SIX6: variants seen among roughly 807,000 people sequenced by gnomAD.
SIX6 encodes the protein SIX homeobox 6, also known as homeobox protein SIX6.
SIX6 carries 14 observed loss-of-function variants against 23.6 expected under a neutral mutation model. The ratio of observed to expected loss-of-function variants is 0.59; its 90% CI spans 0.39 to 0.93. SIX6 has a LOEUF of 0.93. Ranked by LOEUF, SIX6 falls within the 40% of genes least tolerant of loss-of-function variation. The pLI is 0.00. For synonymous variants in SIX6, 128 were observed against 144.9 expected (o/e 0.88, Z 0.84); for missense variants, 307 against 325.6 (o/e 0.94, Z 0.44).
chr14:60,509,580 C>T lies in SIX6; in HGVS notation c.182C>T (p.Ala61Val). The T allele has an allele frequency of 6.2e-7, 1 of 1,613,020 alleles. No individual in the cohort carries two copies. The highest frequency in any genetic ancestry group is 1.7e-5 in the Admixed American group (1 of 60,034). Reference sequence around the variant, plus strand: ...GTGCTACGCGCACGAGCCATCGTGGCCTTTCACGGTGGCAACTACCGCGAG... The same window carrying T: ...GTGCTACGCGCACGAGCCATCGTGGTCTTTCACGGTGGCAACTACCGCGAG... ...ESVLRARAIVAFHGGNYRELY... is the reference protein window; with the variant it reads ...ESVLRARAIVVFHGGNYRELY... Residue 61 changes from alanine (A) to valine (V), a missense_variant, in exon 1 of 2, where the codon GCC becomes GTC. Physicochemically the swap from Ala to Val is moderately conservative, Grantham distance 64. Transcript: ENST00000327720.
chr14:60,510,295 G>A (rs1893271107), intron 1 of SIX6, among the ~76,000 whole-genome samples: 1 of 152,226 alleles, frequency 6.6e-6, no homozygotes. Context: ...AAGACCCAAA[G>A]CTAATTCTTG....
Position 60,511,313 on chromosome 14 carries a change from A to C in SIX6, c.*61A>C. ...TGTAAAAACGAGAAAAACAAAATGA[A>C]AGAGGGGAAGAAGATGAGAGACCTG... is the stretch of plus-strand genomic sequence containing the variant. On this transcript the variant is annotated 3_prime_UTR_variant, in exon 2 of 2. Transcript: ENST00000327720. 1.3e-6 allele frequency: 2 copies of C among 1,553,146 alleles called. No homozygotes were observed. The highest frequency in any genetic ancestry group is 1.8e-6 in the Non-Finnish European group (2 of 1,125,528).
rs1893293570 is a variant in SIX6, at chr14:60,511,443, C to G, written c.*191C>G. On this transcript the variant is annotated 3_prime_UTR_variant, in exon 2 of 2. Coordinates refer to ENST00000327720, the MANE Select transcript of SIX6 (RefSeq NM_007374.3). ...CCTGGCTTCACTGGCGCCCTTTGGC[C>G]GCGACCACGGGAACCAGCGGTGAGG... is the stretch of plus-strand genomic sequence containing the variant. 1.9e-5 allele frequency: 13 copies of G among 680,686 alleles called. No individual in the cohort carries two copies. The East Asian group carries it at 3.5e-4, about 18-fold the overall frequency. The allele number at this position is 680,686 out of a possible 1,614,324, so 42.2% of individuals were successfully genotyped here.
Position 60,511,070 on chromosome 14 carries a change from T to C in SIX6, c.573-14T>C. 6.2e-7 allele frequency: 1 copy of C among 1,611,934 alleles called. No homozygotes were observed. Among genetic ancestry groups the C allele is most frequent in the East Asian group, 2.2e-5 (1 of 44,838 alleles). ...GTTACGAGCTGTGACCCGTGTTCCCTTTCTTCCCCGTAGACTCCAGCAGCA... is the reference window on the plus strand; with the variant it reads ...GTTACGAGCTGTGACCCGTGTTCCCCTTCTTCCCCGTAGACTCCAGCAGCA... On this transcript the variant is annotated splice_polypyrimidine_tract_variant and intron_variant, in intron 1 of 1. Coordinates refer to ENST00000327720, the MANE Select transcript of SIX6 (RefSeq NM_007374.3).
chr14:60,509,780 G>A lies in SIX6; in HGVS notation c.382G>A (p.Gly128Ser), dbSNP rs1344962002. 2.5e-6 allele frequency: 4 copies of A among 1,613,062 alleles called. No homozygotes were observed. The highest frequency in any genetic ancestry group is 3.4e-6 in the Non-Finnish European group (4 of 1,179,178). The change falls in exon 1 of 2, where the codon GGC becomes AGC. Residue 128 changes from glycine to serine, a missense_variant. Coordinates refer to ENST00000327720, the MANE Select transcript of SIX6 (RefSeq NM_007374.3). The stretch of plus-strand genomic sequence containing the variant: ...CCCGCTGCCGCGCACCATTTGGGAC[G>A]GCGAACAGAAGACACACTGCTTCAA... ...KFPLPRTIWD[G>S]EQKTHCFKER...
chr14:60,509,983 AG>A lies in SIX6; in HGVS notation c.572+15del. ...CAGCCAAGAACAGGTCGGTACCTAG[AG>A]GCCTCCGCGCTTTGAGCGCACCGGG... On this transcript the variant is annotated intron_variant, in intron 1 of 1. Transcript: ENST00000327720. 6.3e-7 allele frequency: 1 copy of A among 1,587,568 alleles called. No homozygotes were observed. Among genetic ancestry groups the A allele is most frequent in the Non-Finnish European group, 8.6e-7 (1 of 1,165,634 alleles).
In SIX6 at chr14:60,509,894, G is replaced by C. The variant is rs779887646; in HGVS notation, c.496G>C (p.Gly166Arg). Residue 166 changes from glycine (G) to arginine (R), a missense_variant, in exon 1 of 2, where the codon GGA becomes CGA. Coordinates refer to ENST00000327720, the MANE Select transcript of SIX6 (RefSeq NM_007374.3). Reference sequence around the variant, plus strand: ...AAAACGTGAGCTCGCCCAGGCAACCGGACTGACCCCTACGCAGGTGGGCAA... The same window carrying C: ...AAAACGTGAGCTCGCCCAGGCAACCCGACTGACCCCTACGCAGGTGGGCAA... Reference protein sequence around the residue: ...SKKRELAQATGLTPTQVGNWF... With the variant: ...SKKRELAQATRLTPTQVGNWF... 1.2e-5 allele frequency: 20 copies of C among 1,612,820 alleles called. No individual in the cohort carries two copies. The highest frequency in any genetic ancestry group is 1.6e-5 in the Non-Finnish European group (19 of 1,179,362).
chr14:60,509,739 G>C lies in SIX6; in HGVS notation c.341G>C (p.Arg114Pro). 1 of 1,613,496 alleles carries C rather than the reference G, an allele frequency of 6.2e-7. No individual in the cohort carries two copies. The highest frequency in any genetic ancestry group is 8.5e-7 in the Non-Finnish European group (1 of 1,179,512). ...CCCCTGGGACCTGTGGACAAGTACC[G>C]AGTAAGGAAGAAGTTCCCGCTGCCG... ...GRPLGPVDKY[R>P]VRKKFPLPRT... The change falls in exon 1 of 2, where the codon CGA becomes CCA. Residue 114 changes from arginine to proline, a missense_variant. Arg to Pro is a moderately radical substitution (Grantham distance 103). Transcript: ENST00000327720.
At position 60,511,526 on chromosome 14, in the gene SIX6, G is replaced by C. The variant is rs535332639; in HGVS notation, c.*274G>C. The C allele has an allele frequency of 8.1e-5, 46 of 570,198 alleles. 1 individual carries two copies. The South Asian group carries it at 9.2e-4, about 11-fold the overall frequency. The allele number at this position is 570,198 out of a possible 1,614,324, so 35.3% of individuals were successfully genotyped here. On this transcript the variant is annotated 3_prime_UTR_variant, in exon 2 of 2. Transcript: ENST00000327720. ...TTTTTCCTAAGGATTTTGCTGCAAA[G>C]TCTCCTTCGGAACCCGAACTGCAAG...
At chr14:60,510,817 T>G (rs570504249) in intron 1 of SIX6, among the ~76,000 whole-genome samples, 1 of 152,362 alleles carries the variant, frequency 6.6e-6, no homozygotes, top group South Asian at 2.1e-4. Flanking sequence ...GGGAGGACAC[T>G]GCAAGCCCAG....
chr14:60,509,982 G>A lies in SIX6; in HGVS notation c.572+12G>A. Reference sequence around the variant, plus strand: ...GCAGCCAAGAACAGGTCGGTACCTAGAGGCCTCCGCGCTTTGAGCGCACCG... The same window carrying A: ...GCAGCCAAGAACAGGTCGGTACCTAAAGGCCTCCGCGCTTTGAGCGCACCG... On this transcript the variant is annotated intron_variant, in intron 1 of 1. Transcript: ENST00000327720. 1 of 1,589,016 alleles carries A rather than the reference G, an allele frequency of 6.3e-7. No individual in the cohort carries two copies. The highest frequency in any genetic ancestry group is 8.6e-7 in the Non-Finnish European group (1 of 1,166,498).
At position 60,512,607 on chromosome 14, in the gene SIX6, A is replaced by G. The variant is rs1566692214; in HGVS notation, c.*1355A>G. On this transcript the variant is annotated 3_prime_UTR_variant, in exon 2 of 2. Coordinates refer to ENST00000327720, the MANE Select transcript of SIX6 (RefSeq NM_007374.3). Reference sequence around the variant, plus strand: ...AAAACCTAATCTCCGAATTAAGCATAGAACAAGTCATCAAGGGCCTCATTG... The same window carrying G: ...AAAACCTAATCTCCGAATTAAGCATGGAACAAGTCATCAAGGGCCTCATTG... 1 of 152,262 alleles carries G rather than the reference A, an allele frequency of 6.6e-6. No homozygotes were observed. Among genetic ancestry groups the G allele is most frequent in the Non-Finnish European group, 1.5e-5 (1 of 68,040 alleles). The allele number at this position is 152,262 out of a possible 1,614,324, so 9.4% of individuals were successfully genotyped here.
Position 60,509,430 on chromosome 14 carries a change from C to A in SIX6, c.32C>A (p.Pro11His). MFQLPILNFS[P>H]QQVAGVCETL... ...CAGCTGCCCATCTTGAATTTCAGCC[C>A]CCAGCAAGTGGCCGGGGTATGTGAG... Residue 11 changes from proline (P) to histidine (H), a missense_variant, in exon 1 of 2, where the codon CCC (proline) becomes CAC (histidine). Pro to His is a moderately conservative substitution (Grantham distance 77, BLOSUM62 -2). Transcript: ENST00000327720. 6.3e-7 allele frequency: 1 copy of A among 1,599,672 alleles called. No homozygotes were observed. Among genetic ancestry groups the A allele is most frequent in the Middle Eastern group, 1.7e-4 (1 of 6,060 alleles).
chr14:60,509,480 G>A lies in SIX6; in HGVS notation c.82G>A (p.Glu28Lys), dbSNP rs1395116194. 3.1e-6 allele frequency: 5 copies of A among 1,601,324 alleles called. No homozygotes were observed. The highest frequency in any genetic ancestry group is 4.2e-6 in the Non-Finnish European group (5 of 1,179,944). The change falls in exon 1 of 2, where the codon GAG becomes AAG. Residue 28 changes from glutamate to lysine, a missense_variant. Physicochemically the swap from Glu to Lys is moderately conservative, Grantham distance 56 (BLOSUM62 1). Transcript: ENST00000327720. ...CETLEESGDV[E>K]RLGRFLWSLP... The stretch of plus-strand genomic sequence containing the variant: ...GACCCTGGAAGAGAGCGGCGATGTG[G>A]AGCGCCTGGGTCGCTTCCTCTGGTC...
Position 60,509,898 on chromosome 14 carries a change from T to A in SIX6, c.500T>A (p.Leu167Gln). 6.2e-7 allele frequency: 1 copy of A among 1,612,894 alleles called. No individual in the cohort carries two copies. Among genetic ancestry groups the A allele is most frequent in the Non-Finnish European group, 8.5e-7 (1 of 1,179,388 alleles). The change falls in exon 1 of 2, where the codon CTG (leucine) becomes CAG (glutamine). Residue 167 changes from leucine (L) to glutamine (Q), a missense_variant. Leu to Gln is a moderately radical substitution (Grantham distance 113). Coordinates refer to ENST00000327720, the MANE Select transcript of SIX6 (RefSeq NM_007374.3). ...CGTGAGCTCGCCCAGGCAACCGGAC[T>A]GACCCCTACGCAGGTGGGCAACTGG... The part of the protein sequence containing the change: ...KKRELAQATG[L>Q]TPTQVGNWFK...
In SIX6 at chr14:60,511,316, A is replaced by G. The variant is rs1320958850; in HGVS notation, c.*64A>G. ...AAAAACGAGAAAAACAAAATGAAAG[A>G]GGGGAAGAAGATGAGAGACCTGCAA... is the stretch of plus-strand genomic sequence containing the variant. On this transcript the variant is annotated 3_prime_UTR_variant, in exon 2 of 2. Transcript: ENST00000327720. The G allele has an allele frequency of 3.8e-6, 6 of 1,561,672 alleles. No individual in the cohort carries two copies. Among genetic ancestry groups the G allele is most frequent in the Admixed American group, 1.7e-5 (1 of 59,914 alleles).
chr14:60,510,231 C>T (rs1158222507), intron 1 of SIX6, among the ~76,000 whole-genome samples: 2 of 152,080 alleles, frequency 1.3e-5, no homozygotes, highest in Non-Finnish European at 2.9e-5. Context: ...TTCACTGGGA[C>T]GGAGAGGGGA....
chr14:60,511,707 T>C lies in SIX6; in HGVS notation c.*455T>C, dbSNP rs1303502285. 4.1e-6 allele frequency: 1 copy of C among 243,386 alleles called. No homozygotes were observed. Among genetic ancestry groups the C allele is most frequent in the Non-Finnish European group, 8.1e-6 (1 of 123,114 alleles). The allele number at this position is 243,386 out of a possible 1,614,324, so 15.1% of individuals were successfully genotyped here. A position where few individuals can be genotyped will look rare whatever the true frequency, so the allele number is the denominator to read the frequency against. On this transcript the variant is annotated 3_prime_UTR_variant, in exon 2 of 2. Transcript: ENST00000327720. ...CCGCCATGGTAGGTTTCTCTGTAGC[T>C]TGGGGAACTTGCTGTTTCTAAACAT... is the stretch of plus-strand genomic sequence containing the variant.
Position 60,509,280 on chromosome 14 carries a change from G to A in SIX6, c.-119G>A. 2 of 883,978 alleles carry A rather than the reference G, an allele frequency of 2.3e-6. No homozygotes were observed. Among genetic ancestry groups the A allele is most frequent in the Admixed American group, 1.9e-5 (1 of 53,448 alleles). 54.8% of individuals were successfully genotyped at this position (883,978 alleles called of 1,614,324 possible). ...AGCCACCGCCGCCACCCGGTAGTGT[G>A]TCCCGCTGCCCCAATCCGCCTCATC... is the stretch of plus-strand genomic sequence containing the variant. On this transcript the variant is annotated 5_prime_UTR_variant, in exon 1 of 2. Coordinates refer to ENST00000327720, the MANE Select transcript of SIX6 (RefSeq NM_007374.3).
Sources: allele counts gnomAD v4.1 joint callset (sites outside exome capture counted in the v4.1 genomes callset), GRCh38; gene constraint gnomAD v4.1.1; transcripts MANE v1.5; gene names NCBI Gene and HGNC (gene_info 2026-07-23, HGNC 2026-07-21).